NLN: variants seen among roughly 807,000 people sequenced by gnomAD.
NLN encodes neurolysin, also known as neurolysin, mitochondrial.
NLN carries 64 observed loss-of-function variants against 79.9 expected under a neutral mutation model. That is an observed-to-expected ratio of 0.80 (90% CI 0.65 to 0.99). NLN has a LOEUF of 0.99. Ranked by LOEUF, NLN falls within the 50% of genes least tolerant of loss-of-function variation. The pLI, the probability that NLN is intolerant of heterozygous loss-of-function variation, is 0.00. For missense variants in NLN, 835 were observed against 858.7 expected, an observed-to-expected ratio of 0.97 and a Z score of 0.34; for synonymous variants, 267 against 296.6, an observed-to-expected ratio of 0.90 and a Z score of 1.02.
intron 1 of NLN, among the ~76,000 whole-genome samples, chr5:65,731,410 T>C (rs902531370): frequency 1.3e-5 from 2 of 152,230 alleles, no homozygotes; most frequent in Non-Finnish European, 2.9e-5. Context: ...ATGTTAGTTA[T>C]CAGTCTACCA....
At chr5:65,788,517 A>G in intron 8 of NLN, 33 bp downstream of exon 8, 1 of 1,593,416 alleles carries the variant, frequency 6.3e-7, no homozygotes, top group South Asian at 1.1e-5. Context: ...AAGGGACCTT[A>G]GGGATTCAGC....
At chr5:65,784,426 C>T (rs996168730) in intron 6 of NLN, among the ~76,000 whole-genome samples, 12 of 152,028 alleles carry the variant, frequency 7.9e-5, no homozygotes, top group Admixed American at 2.0e-4. Context: ...ATACCACAGA[C>T]GAAGTAATTT....
chr5:65,815,304 A>G (rs767225619), intron 12 of NLN, among the ~76,000 whole-genome samples: 3 of 152,194 alleles, frequency 2.0e-5, no homozygotes, highest in Non-Finnish European at 4.4e-5. Flanking sequence ...TTGCAAGTGT[A>G]ATAGAAGCAA....
At chr5:65,730,937 G>C (rs1758591197) in intron 1 of NLN, among the ~76,000 whole-genome samples, 1 of 152,222 alleles carries the variant, frequency 6.6e-6, no homozygotes, top group Non-Finnish European at 1.5e-5. Flanking sequence ...CAAAAATGCT[G>C]TATAACAAAC....
chr5:65,814,500 A>G (rs926808898), intron 12 of NLN, among the ~76,000 whole-genome samples: 1 of 152,158 alleles, frequency 6.6e-6, no homozygotes, highest in Non-Finnish European at 1.5e-5. Flanking sequence ...GGTCTCACTC[A>G]CATAACTGCA....
chr5:65,722,461 C>T lies in NLN; in HGVS notation c.41+47C>T, dbSNP rs772781392. 2.0e-6 allele frequency: 3 copies of T among 1,532,004 alleles called. No homozygotes were observed. In the South Asian group the frequency reaches 3.6e-5, roughly 18 times the overall value. The allele number at this position is 1,532,004 out of a possible 1,614,324, so 94.9% of individuals were successfully genotyped here. On this transcript the variant is annotated intron_variant, in intron 1 of 12. Transcript: ENST00000380985. ...ACCTTGGCCGTGGGCAGGGCGGGGTCTTTCGCCGTGTGGTGCCTGGAGCCC... is the reference window on the plus strand; with the variant it reads ...ACCTTGGCCGTGGGCAGGGCGGGGTTTTTCGCCGTGTGGTGCCTGGAGCCC...
At position 65,812,293 on chromosome 5, in the gene NLN, G is replaced by A. The variant is rs757438334; in HGVS notation, c.1882G>A (p.Gly628Arg). 3 of 1,611,404 alleles carry A rather than the reference G, an allele frequency of 1.9e-6. No individual in the cohort carries two copies. The highest frequency in any genetic ancestry group is 1.3e-5 in the African/African-American group (1 of 74,830). ...MPATFGHLAG[G>R]YDGQYYGYLW... ...AGCTACCTTTGGACATTTGGCAGGG[G>A]GATACGATGGCCAATATTATGGATA... The change falls in exon 12 of 13, where the codon GGA becomes AGA. Residue 628 changes from glycine (G) to arginine (R), a missense_variant. Coordinates refer to ENST00000380985, the MANE Select transcript of NLN (RefSeq NM_020726.5).
Position 65,823,253 on chromosome 5 carries a change from A to G in NLN, c.*338A>G, listed in dbSNP as rs1760840287. ...TAAGAATTTTTAAATTGAATCATAT[A>G]TATGATATAATTTGATCCTTCTTGT... On this transcript the variant is annotated 3_prime_UTR_variant, in exon 13 of 13. Coordinates refer to ENST00000380985, the MANE Select transcript of NLN (RefSeq NM_020726.5). The G allele has an allele frequency of 1.1e-5, 2 of 181,880 alleles. No homozygotes were observed. Among genetic ancestry groups the G allele is most frequent in the African/African-American group, 2.4e-5 (1 of 41,964 alleles). The allele number at this position is 181,880 out of a possible 1,614,324, so 11.3% of individuals were successfully genotyped here.
rs1317743482 is a variant in NLN, at chr5:65,738,977, ATATT to A, written c.41+16564_41+16567del. Among the ~76,000 whole-genome samples the A allele has an allele frequency of 8.1e-3, 184 of 22,674 alleles. 2 individuals are homozygous for A. Among genetic ancestry groups the A allele is most frequent in the African/African-American group, 0.026 (176 of 6,740 alleles). 14.9% of individuals were successfully genotyped at this position (22,674 alleles called of 152,430 possible). A position where few individuals can be genotyped will look rare whatever the true frequency, so the allele number is the denominator to read the frequency against. On this transcript the variant is annotated intron_variant, in intron 1 of 12. Transcript: ENST00000380985. ...TATATATATGTATATATAAATATAT[ATATT>A]ATATATTTATATATATTTTATAATA...
chr5:65,773,176 G>A (rs1185560304), intron 3 of NLN, among the ~76,000 whole-genome samples: 1 of 133,352 alleles, frequency 7.5e-6, no homozygotes, highest in African/African-American at 2.9e-5. Flanking sequence ...CTGTTGCCCA[G>A]GCTGGAGTGC....
At chr5:65,778,448 G>A (rs778920122) in intron 4 of NLN, among the ~76,000 whole-genome samples, 40 of 151,980 alleles carry the variant, frequency 2.6e-4, no homozygotes, top group Admixed American at 2.6e-4. Context: ...TTTCTCCCAC[G>A]TAAAGCCCTT....
intron 12 of NLN, among the ~76,000 whole-genome samples, chr5:65,822,086 T>C (rs964788734): frequency 6.6e-6 from 1 of 152,246 alleles, no homozygotes; most frequent in African/African-American, 2.4e-5. Context: ...AGTGAAAATA[T>C]TGAACAATGC....
intron 8 of NLN, 148 bp from the exon 9 acceptor site, chr5:65,792,306 A>G: frequency 1.7e-6 from 1 of 583,132 alleles, no homozygotes; most frequent in South Asian, 2.2e-5. Context: ...TTTCCATTTT[A>G]GCAAAATAAC....
chr5:65,813,604 A>G (rs1760603396), intron 12 of NLN, among the ~76,000 whole-genome samples: 2 of 152,154 alleles, frequency 1.3e-5, no homozygotes, highest in Non-Finnish European at 2.9e-5. Context: ...ATCTGTCAGC[A>G]GATGATCTCT....
intron 4 of NLN, chr5:65,779,916 GT>G: frequency 3.6e-6 from 1 of 276,344 alleles, no homozygotes; most frequent in Non-Finnish European, 6.7e-6. Context: ...AAAATGAGTT[GT>G]TTTTTTCAAA....
intron 1 of NLN, among the ~76,000 whole-genome samples, chr5:65,755,985 T>C (rs963235150): frequency 6.6e-6 from 1 of 152,190 alleles, no homozygotes; most frequent in Non-Finnish European, 1.5e-5. Context: ...TAGTCTGACC[T>C]GTACCCCTGC....
At position 65,822,993 on chromosome 5, in the gene NLN, G is replaced by A. The variant is rs1354708656; in HGVS notation, c.*78G>A. ...TGTGTTACTGGCCTGGAAACTGAAGGGAGTTTTGCAAGTGAAAATTTAGAT... is the reference window on the plus strand; with the variant it reads ...TGTGTTACTGGCCTGGAAACTGAAGAGAGTTTTGCAAGTGAAAATTTAGAT... On this transcript the variant is annotated 3_prime_UTR_variant, in exon 13 of 13. Coordinates refer to ENST00000380985, the MANE Select transcript of NLN (RefSeq NM_020726.5). The A allele has an allele frequency of 8.5e-7, 1 of 1,182,038 alleles. No individual in the cohort carries two copies. The highest frequency in any genetic ancestry group is 1.2e-6 in the Non-Finnish European group (1 of 823,936). The allele number at this position is 1,182,038 out of a possible 1,614,324, so 73.2% of individuals were successfully genotyped here.
chr5:65,728,755 A>G (rs370172697), intron 1 of NLN, among the ~76,000 whole-genome samples: 1 of 152,206 alleles, frequency 6.6e-6, no homozygotes, highest in Non-Finnish European at 1.5e-5. Flanking sequence ...TGGTCTGGAA[A>G]CCAAAAAGTT....
chr5:65,798,794 T>A (rs1309100430), intron 9 of NLN, among the ~76,000 whole-genome samples: 2 of 152,190 alleles, frequency 1.3e-5, no homozygotes, highest in East Asian at 1.9e-4. Flanking sequence ...GGGAATGTGC[T>A]TATTTCTTTC....
Sources: allele counts gnomAD v4.1 joint callset (sites outside exome capture counted in the v4.1 genomes callset), GRCh38; gene constraint gnomAD v4.1.1; transcripts MANE v1.5; gene names NCBI Gene and HGNC (gene_info 2026-07-23, HGNC 2026-07-21).